Variants in DPP10 observed in about 807,000 individuals in gnomAD.
The protein encoded by DPP10 is inactive dipeptidyl peptidase 10.
Under a neutral mutation model 120.9 loss-of-function variants are expected in DPP10, and 33 were observed. The observed-to-expected ratio is 0.27, with a 90% CI of 0.21 to 0.37. DPP10 has a LOEUF of 0.37. DPP10 is among the 10% of genes least tolerant of loss of function. The pLI, the probability that DPP10 is intolerant of heterozygous loss-of-function variation, is 1.00. For missense variants in DPP10, 816 were observed against 942.8 expected, an observed-to-expected ratio of 0.87 and a Z score of 1.76; for synonymous variants, 337 against 326.1, an observed-to-expected ratio of 1.03 and a Z score of -0.36.
At chr2:114,694,729 T>C (rs1184449437) in intron 1 of DPP10, among the ~76,000 whole-genome samples, 1 of 151,950 alleles carries the variant, frequency 6.6e-6, no homozygotes, top group Admixed American at 6.6e-5. Flanking sequence ...CCTAAGCTAA[T>C]TGTTTACATA....
At chr2:115,564,608 G>T (rs1287441785) in intron 5 of DPP10, among the ~76,000 whole-genome samples, 1 of 152,044 alleles carries the variant, frequency 6.6e-6, no homozygotes, top group East Asian at 1.9e-4. Context: ...TTTTTGAGAT[G>T]ATTCAAAATC....
At chr2:115,739,408 G>T (rs1676979815) in intron 8 of DPP10, among the ~76,000 whole-genome samples, 1 of 151,998 alleles carries the variant, frequency 6.6e-6, no homozygotes, top group Non-Finnish European at 1.5e-5. Context: ...AATGAATCAT[G>T]ACATGGATAT....
intron 1 of DPP10, among the ~76,000 whole-genome samples, chr2:114,543,919 C>T (rs185454288): frequency 6.6e-6 from 1 of 151,604 alleles, no homozygotes; most frequent in African/African-American, 2.4e-5. Flanking sequence ...TTTGTTTAGC[C>T]TCATTCATGT....
At chr2:114,503,683 A>G (rs1683394720) in intron 1 of DPP10, among the ~76,000 whole-genome samples, 1 of 152,204 alleles carries the variant, frequency 6.6e-6, no homozygotes, top group African/African-American at 2.4e-5. Context: ...CAGGATTAAG[A>G]CAAGTGAAAC....
chr2:115,250,544 A>T (rs2058710669), intron 1 of DPP10, among the ~76,000 whole-genome samples: 1 of 152,178 alleles, frequency 6.6e-6, no homozygotes, highest in Non-Finnish European at 1.5e-5. Context: ...AATGGGAGAC[A>T]CTGTGAGGCC....
At chr2:115,378,012 C>G (rs1263316695) in intron 3 of DPP10, among the ~76,000 whole-genome samples, 1 of 151,814 alleles carries the variant, frequency 6.6e-6, no homozygotes, top group African/African-American at 2.4e-5. Context: ...GTTCTTTTGG[C>G]TTAGGATTGA....
chr2:114,477,854 A>AATATATGTATATATGTAC, intron 1 of DPP10, among the ~76,000 whole-genome samples: 1 of 71,984 alleles, frequency 1.4e-5, no homozygotes, highest in East Asian at 6.1e-4. Flanking sequence ...TGCATGTATA[A>AATATATGTATATATGTAC]ATATATGTAT....
chr2:114,872,438 A>G (rs1281647845), intron 1 of DPP10, among the ~76,000 whole-genome samples: 2 of 152,186 alleles, frequency 1.3e-5, no homozygotes, highest in Non-Finnish European at 2.9e-5. Context: ...TTACAATTCA[A>G]GATGAGATGT....
intron 1 of DPP10, among the ~76,000 whole-genome samples, chr2:114,464,052 C>T (rs531310024): frequency 2.4e-4 from 36 of 152,168 alleles, no homozygotes; most frequent in Non-Finnish European, 3.8e-4. Flanking sequence ...CTGGAGAACT[C>T]GGTTGCTTTC....
chr2:114,592,493 T>C (rs1165610804), intron 1 of DPP10, among the ~76,000 whole-genome samples: 1 of 152,126 alleles, frequency 6.6e-6, no homozygotes, highest in East Asian at 1.9e-4. Context: ...AGTTAAGTCT[T>C]TAGTGTTAAT....
At chr2:115,548,347 A>G (rs2079640048) in intron 5 of DPP10, among the ~76,000 whole-genome samples, 1 of 152,168 alleles carries the variant, frequency 6.6e-6, no homozygotes, top group African/African-American at 2.4e-5. Context: ...TGATTATTCA[A>G]GTAACTCGAG....
At chr2:114,774,665 G>GTATATATA (rs34871165) in intron 1 of DPP10, among the ~76,000 whole-genome samples, 4 of 145,152 alleles carry the variant, frequency 2.8e-5, no homozygotes, top group African/African-American at 1.0e-4. Flanking sequence ...CAATAATGAT[G>GTATATATA]TATATATATA....
chr2:115,077,856 C>A (rs886928742), intron 1 of DPP10, among the ~76,000 whole-genome samples: 1 of 152,198 alleles, frequency 6.6e-6, no homozygotes, highest in Non-Finnish European at 1.5e-5. Context: ...AGCTAATGAG[C>A]CAGCACTGGC....
At position 115,456,687 on chromosome 2, in the gene DPP10, A is replaced by T. The variant is rs183517298; in HGVS notation, c.272-42823A>T. On this transcript the variant is annotated intron_variant, in intron 3 of 25. Transcript: ENST00000410059. ...GACATGGATGAAGCTGGAAACCATC[A>T]TTCTCAGCAAACTAACACAAGAACA... Among the ~76,000 whole-genome samples the T allele has an allele frequency of 7.8e-3, 1,181 of 152,280 alleles. 8 individuals carry two copies. Among genetic ancestry groups the T allele is most frequent in the Middle Eastern group, 0.02 (6 of 294 alleles).
chr2:115,483,529 G>C (rs2075578113), intron 3 of DPP10, among the ~76,000 whole-genome samples: 1 of 151,800 alleles, frequency 6.6e-6, no homozygotes, highest in Admixed American at 6.6e-5. Context: ...AACTAATATT[G>C]TTTGGGAGGA....
At chr2:115,452,825 A>G (rs2073215886) in intron 3 of DPP10, among the ~76,000 whole-genome samples, 1 of 152,068 alleles carries the variant, frequency 6.6e-6, no homozygotes, top group African/African-American at 2.4e-5. Flanking sequence ...TGTGTTTCAG[A>G]TGAATCAGAC....
At chr2:115,609,340 G>GA (rs957924508) in intron 5 of DPP10, among the ~76,000 whole-genome samples, 7 of 151,434 alleles carry the variant, frequency 4.6e-5, no homozygotes, top group South Asian at 4.2e-4. Flanking sequence ...TATGTTGCGG[G>GA]AAAAAAAAGG....
chr2:114,742,019 C>A (rs1678115691), intron 1 of DPP10, among the ~76,000 whole-genome samples: 1 of 152,060 alleles, frequency 6.6e-6, no homozygotes, highest in East Asian at 1.9e-4. Context: ...GCCTAAAGAG[C>A]CAACATCTCA....
At chr2:115,792,011 TA>T (rs952615888) in intron 19 of DPP10, among the ~76,000 whole-genome samples, 1 of 152,164 alleles carries the variant, frequency 6.6e-6, no homozygotes, top group African/African-American at 2.4e-5. Flanking sequence ...TAAAACAGTC[TA>T]AAATTATATC....
Sources: gnomAD v4.1 joint callset for allele counts (sites outside exome capture counted in the v4.1 genomes callset) on GRCh38, gnomAD v4.1.1 for gene constraint, MANE v1.5 for transcripts, NCBI Gene and HGNC (gene_info 2026-07-23, HGNC 2026-07-21) for gene names.